The following CD164 variants were observed in gnomAD, a reference collection of about 807,000 sequenced individuals.
CD164 encodes the protein CD164 molecule.
A neutral mutation model predicts 24.6 loss-of-function variants in CD164; 11 were observed. The ratio of observed to expected loss-of-function variants is 0.45; its 90% CI spans 0.28 to 0.74. The LOEUF (loss-of-function observed/expected upper bound fraction) is 0.74, where lower values mean the gene tolerates loss of function less well. Ranked by LOEUF, CD164 falls within the 30% of genes least tolerant of loss-of-function variation. The probability of loss-of-function intolerance (pLI) is 0.13; values close to 1 mark genes in which losing one functional copy is unlikely to be tolerated. For synonymous variants in CD164, 126 were observed against 100.3 expected (o/e 1.26, Z -1.53); for missense variants, 295 against 243.7 (o/e 1.21, Z -1.40).
Position 109,368,459 on chromosome 6 carries a change from C to T in CD164, c.*392G>A, listed in dbSNP as rs1187203491. The T allele has an allele frequency of 2.2e-6, 3 of 1,390,118 alleles. No individual in the cohort carries two copies. In the East Asian group the frequency reaches 8.2e-5, roughly 38 times the overall value. The allele number at this position is 1,390,118 out of a possible 1,614,324, so 86.1% of individuals were successfully genotyped here. On this transcript the variant is annotated 3_prime_UTR_variant, in exon 6 of 6. Coordinates refer to ENST00000310786, the MANE Select transcript of CD164 (RefSeq NM_006016.6). ...ATCCACCTAATTGATTCTCATTTGG[C>T]ACGTTCTTCTCAATTCTGTTCACTA...
At position 109,368,854 on chromosome 6, in the gene CD164, C is replaced by G; in HGVS notation, c.591G>C (p.Leu197=). 1 of 1,612,088 alleles carries G rather than the reference C, an allele frequency of 6.2e-7. No homozygotes were observed. Among genetic ancestry groups the G allele is most frequent in the Non-Finnish European group, 8.5e-7 (1 of 1,179,330 alleles). Residue 197 remains leucine, a synonymous_variant, in exon 6 of 6, where the codon CTG becomes CTC. Coordinates refer to ENST00000310786, the MANE Select transcript of CD164 (RefSeq NM_006016.6). ...CKSKERNYHT[L] ...CTTATTAATTCAATGGGTCTGTTTA[C>G]AGAGTGTGGTAATTTCGTTCTTTAG...
chr6:109,377,902 G>C lies in CD164; in HGVS notation c.329C>G (p.Ser110Cys), dbSNP rs772874526. Residue 110 changes from serine (S) to cysteine (C), a missense_variant and splice_region_variant, in exon 3 of 6, where the codon TCC becomes TGC. By Grantham distance (112) the Ser-to-Cys change is moderately radical. Coordinates refer to ENST00000310786, the MANE Select transcript of CD164 (RefSeq NM_006016.6). ...CQVGNTTDFC[S>C]VSTATPVPTA... Reference sequence around the variant, plus strand: ...AAGCAGCCAATATGAATACTTACCGGAACAGAAGTCTGTCGTGTTCCCCAC... The same window carrying C: ...AAGCAGCCAATATGAATACTTACCGCAACAGAAGTCTGTCGTGTTCCCCAC... 2 of 1,612,184 alleles carry C rather than the reference G, an allele frequency of 1.2e-6. No individual in the cohort carries two copies. The highest frequency in any genetic ancestry group is 1.7e-5 in the Admixed American group (1 of 59,978).
At chr6:109,377,192 G>A (rs760203698) in intron 3 of CD164, among the ~76,000 whole-genome samples, 3 of 152,170 alleles carry the variant, frequency 2.0e-5, no homozygotes, top group Non-Finnish European at 2.9e-5. Context: ...AAGTAAAACT[G>A]ATCTAATACT....
chr6:109,370,493 TA>T (rs1173560381), intron 4 of CD164, 26 bp from the exon 5 acceptor site: 2 of 1,583,948 alleles, frequency 1.3e-6, no homozygotes, highest in Non-Finnish European at 1.7e-6. Context: ...AATGTCTTTT[TA>T]AAAAACCTTA....
intron 5 of CD164, 130 bp downstream of exon 5, chr6:109,370,281 C>G: frequency 1.4e-6 from 1 of 720,906 alleles, no homozygotes; most frequent in South Asian, 1.7e-5. Flanking sequence ...TTGATCCCCC[C>G]TAAGAGTAAG....
At chr6:109,381,647 C>A in intron 1 of CD164, 1 of 699,012 alleles carries the variant, frequency 1.4e-6, no homozygotes, top group South Asian at 1.5e-5. Flanking sequence ...ATCTGCAAAA[C>A]CAATGTAATT....
intron 1 of CD164, 134 bp downstream of exon 1, chr6:109,382,070 G>T: frequency 1.4e-6 from 1 of 712,956 alleles, no homozygotes; most frequent in Non-Finnish European, 1.9e-6. Context: ...CATGTTGCCG[G>T]AGTCGCCGCC....
At chr6:109,370,746 CTCT>C (rs1771032397) in intron 4 of CD164, 1 of 301,664 alleles carries the variant, frequency 3.3e-6, no homozygotes, top group African/African-American at 2.3e-5. Context: ...TTTGCGAAAA[CTCT>C]TATCTTGCTC....
Position 109,368,773 on chromosome 6 carries a change from A to T in CD164, c.*78T>A. On this transcript the variant is annotated 3_prime_UTR_variant, in exon 6 of 6. Coordinates refer to ENST00000310786, the MANE Select transcript of CD164 (RefSeq NM_006016.6). ...CCTGGAATAGCGTCTTCCATGTGGG[A>T]CATCTTAAAAGATAGTATTTTGGCT... 1 of 1,514,440 alleles carries T rather than the reference A, an allele frequency of 6.6e-7. No homozygotes were observed. Among genetic ancestry groups the T allele is most frequent in the Non-Finnish European group, 8.8e-7 (1 of 1,136,308 alleles). The allele number at this position is 1,514,440 out of a possible 1,614,324, so 93.8% of individuals were successfully genotyped here.
intron 3 of CD164, 113 bp from the exon 4 acceptor site, chr6:109,376,225 C>G: frequency 1.6e-6 from 1 of 640,004 alleles, no homozygotes; most frequent in Non-Finnish European, 2.5e-6. Context: ...ACAATTTTTA[C>G]AACACTTAAA....
intron 2 of CD164, among the ~76,000 whole-genome samples, chr6:109,378,785 T>G (rs1582488513): frequency 6.6e-6 from 1 of 152,096 alleles, no homozygotes; most frequent in South Asian, 2.1e-4. Flanking sequence ...TTGGCCCAAT[T>G]TAGTTAATAC....
Position 109,369,071 on chromosome 6 carries a change from T to C in CD164, c.428-54A>G, listed in dbSNP as rs983859311. 58 of 1,486,844 alleles carry C rather than the reference T, an allele frequency of 3.9e-5. No homozygotes were observed. The South Asian group carries it at 7.3e-4, about 19-fold the overall frequency. 92.1% of individuals were successfully genotyped at this position (1,486,844 alleles called of 1,614,324 possible). ...TCCTAAGTTTCATGGTCCTCTATTG[T>C]AATTTAAAGATGCACCTGAGCCTCT... On this transcript the variant is annotated intron_variant, in intron 5 of 5. Coordinates refer to ENST00000310786, the MANE Select transcript of CD164 (RefSeq NM_006016.6).
In CD164 at chr6:109,376,063, T is replaced by A. The variant is rs749767704; in HGVS notation, c.370+11A>T. 6 of 1,563,736 alleles carry A rather than the reference T, an allele frequency of 3.8e-6. No individual in the cohort carries two copies. The highest frequency in any genetic ancestry group is 2.3e-5 in the Admixed American group (1 of 44,432). ...TGAAGGAAAAGGAAGAAAACAGTCATCTTGAATTACCTGTAGAATTGGCTG... is the reference window on the plus strand; with the variant it reads ...TGAAGGAAAAGGAAGAAAACAGTCAACTTGAATTACCTGTAGAATTGGCTG... On this transcript the variant is annotated intron_variant, in intron 4 of 5. Transcript: ENST00000310786.
intron 4 of CD164, chr6:109,372,096 G>A (rs1283555079): frequency 1.3e-5 from 2 of 152,150 alleles, no homozygotes. Context: ...GACAGGGAAA[G>A]GGTGCCAAAT....
At chr6:109,369,411 G>A (rs1319708822) in intron 5 of CD164, among the ~76,000 whole-genome samples, 1 of 152,060 alleles carries the variant, frequency 6.6e-6, no homozygotes, top group Non-Finnish European at 1.5e-5. Context: ...CTAGTATAAG[G>A]TAAAATATTT....
chr6:109,375,724 G>A (rs560984765), intron 4 of CD164, among the ~76,000 whole-genome samples: 1 of 151,860 alleles, frequency 6.6e-6, no homozygotes, highest in African/African-American at 2.4e-5. Context: ...AAGACTAGAA[G>A]AAATTAATCA....
At chr6:109,381,749 TACCTCCGGAGAGA>T in intron 1 of CD164, 1 of 586,516 alleles carries the variant, frequency 1.7e-6, no homozygotes, top group South Asian at 2.0e-5. Context: ...CGGAGAAGGC[TACCTCCGGAGAGA>T]GGCGCCGGGA....
At chr6:109,369,170 A>C (rs1770945970) in intron 5 of CD164, among the ~76,000 whole-genome samples, 153 bp from the exon 6 acceptor site, 1 of 152,224 alleles carries the variant, frequency 6.6e-6, no homozygotes, top group African/African-American at 2.4e-5. Flanking sequence ...TAATTGAGGA[A>C]GACAACCATA....
intron 4 of CD164, 49 bp from the exon 5 acceptor site, chr6:109,370,516 T>C (rs1305186307): frequency 6.7e-7 from 1 of 1,489,044 alleles, no homozygotes; most frequent in Admixed American, 1.8e-5. Context: ...ATTTCTAGCT[T>C]CCCAGTTATC....
Sources: allele counts gnomAD v4.1 joint callset (sites outside exome capture counted in the v4.1 genomes callset), GRCh38; gene constraint gnomAD v4.1.1; transcripts MANE v1.5; gene names NCBI Gene and HGNC (gene_info 2026-07-23, HGNC 2026-07-21).